MIER2: variants seen among roughly 807,000 people sequenced by gnomAD.
MIER2 encodes mesoderm induction early response protein 2.
In MIER2, 30 loss-of-function variants were observed where a neutral mutation model predicts 67.6. That is an observed-to-expected ratio of 0.44 (90% CI 0.33 to 0.60). The LOEUF (loss-of-function observed/expected upper bound fraction) is 0.60, where lower values mean the gene tolerates loss of function less well. Ranked by LOEUF, MIER2 falls within the 20% of genes least tolerant of loss-of-function variation. The probability of loss-of-function intolerance (pLI) is 0.02; values close to 1 mark genes in which losing one functional copy is unlikely to be tolerated. For missense variants in MIER2, 702 were observed against 745.1 expected (o/e 0.94, Z 0.67); for synonymous variants, 372 against 312.6 (o/e 1.19, Z -2.00).
At chr19:319,186 AC>A (rs1254901798) in intron 7 of MIER2, among the ~76,000 whole-genome samples, 2 of 148,816 alleles carry the variant, frequency 1.3e-5, no homozygotes, top group African/African-American at 5.0e-5. Flanking sequence ...ACATGGTGAA[AC>A]CCCATCTCTA....
Position 341,760 on chromosome 19 carries a change from CA to C in MIER2, c.9+3013del, listed in dbSNP as rs1972514302. Among the ~76,000 whole-genome samples the C allele has an allele frequency of 2.0e-5, 3 of 152,066 alleles. No homozygotes were observed. In the South Asian group the frequency reaches 6.2e-4, roughly 32 times the overall value. Reference sequence around the variant, plus strand: ...AGCAGGCCAACGGTATTCCAGGCAACAAAAAAAGCAAAGGAAGCGTAAACAG... The same window carrying C: ...AGCAGGCCAACGGTATTCCAGGCAACAAAAAAGCAAAGGAAGCGTAAACAG... On this transcript the variant is annotated intron_variant, in intron 1 of 13. Transcript: ENST00000264819.
At chr19:332,196 C>T (rs749195206) in intron 3 of MIER2, among the ~76,000 whole-genome samples, 1 of 151,248 alleles carries the variant, frequency 6.6e-6, no homozygotes, top group African/African-American at 2.4e-5. Flanking sequence ...TTTTCGTATT[C>T]TTTTTTTTTC....
At chr19:319,052 T>C (rs1793709520) in intron 7 of MIER2, among the ~76,000 whole-genome samples, 1 of 54,310 alleles carries the variant, frequency 1.8e-5, no homozygotes, top group African/African-American at 9.4e-5. Context: ...TGAGACTCTG[T>C]CTCAAAAAAA....
Position 308,269 on chromosome 19 carries a change from G to A in MIER2, c.1198+308C>T, listed in dbSNP as rs1970755723. Among the ~76,000 whole-genome samples, 2 of 152,144 alleles carry A rather than the reference G, an allele frequency of 1.3e-5. No homozygotes were observed. Among genetic ancestry groups the A allele is most frequent in the South Asian group, 4.1e-4 (2 of 4,828 alleles). On this transcript the variant is annotated intron_variant, in intron 12 of 13. Coordinates refer to ENST00000264819, the MANE Select transcript of MIER2 (RefSeq NM_017550.3). The surrounding 1 kb of genome is among the most constrained non-coding windows in gnomAD (Gnocchi z 9.1). Reference sequence around the variant, plus strand: ...CTAAGTCCCCACCCTGGGGCAGGAAGGCCCTCCCCGGAGACTGAGGCCTGG... The same window carrying A: ...CTAAGTCCCCACCCTGGGGCAGGAAAGCCCTCCCCGGAGACTGAGGCCTGG...
chr19:344,685 C>G (rs1471699757), intron 1 of MIER2, 89 bp downstream of exon 1: 18 of 892,792 alleles, frequency 2.0e-5, no homozygotes, highest in Non-Finnish European at 2.5e-5. Context: ...GCTCTCCGTC[C>G]CTGGGGCCCA....
intron 1 of MIER2, 56 bp from the exon 2 acceptor site, chr19:336,229 A>T (rs1972252477): frequency 4.9e-6 from 7 of 1,440,280 alleles, no homozygotes; most frequent in Non-Finnish European, 6.8e-6. Context: ...GCTGCTGGAC[A>T]TCACAGTGTG....
At chr19:334,117 A>G (rs1346974504) in intron 3 of MIER2, 1 of 330,856 alleles carries the variant, frequency 3.0e-6, no homozygotes, top group East Asian at 6.5e-5. Flanking sequence ...GAGCCACTGC[A>G]CCCAGCCTGA....
chr19:331,749 G>A (rs540383839), intron 3 of MIER2, among the ~76,000 whole-genome samples: 65 of 152,044 alleles, frequency 4.3e-4, no homozygotes, highest in South Asian at 3.5e-3. Context: ...TTGGGAGGCC[G>A]AGGTGGGCAG....
At chr19:328,038 G>A (rs755826446) in intron 3 of MIER2, 49 bp from the exon 4 acceptor site, 2 of 1,604,466 alleles carry the variant, frequency 1.2e-6, no homozygotes, top group African/African-American at 1.3e-5. Flanking sequence ...CGGCTCTGGG[G>A]GTTCCTGTCC....
chr19:331,052 T>C (rs1971999959), intron 3 of MIER2, among the ~76,000 whole-genome samples: 1 of 152,024 alleles, frequency 6.6e-6, no homozygotes, highest in Non-Finnish European at 1.5e-5. Context: ...TCACAACAGA[T>C]CAATGTCTCC....
At chr19:344,130 G>A (rs1332216926) in intron 1 of MIER2, 1 of 985,438 alleles carries the variant, frequency 1.0e-6, no homozygotes, top group African/African-American at 1.7e-5. Flanking sequence ...CTTCGTGCCC[G>A]GGAGAGGCTG....
At chr19:338,682 A>AGT (rs1040089668) in intron 1 of MIER2, among the ~76,000 whole-genome samples, 1 of 152,252 alleles carries the variant, frequency 6.6e-6, no homozygotes, top group African/African-American at 2.4e-5. Context: ...CAATCAAAAC[A>AGT]GTGTGGTACT....
chr19:317,245 AG>A (rs1162135404), intron 7 of MIER2, among the ~76,000 whole-genome samples: 6 of 151,836 alleles, frequency 4.0e-5, no homozygotes, highest in African/African-American at 1.5e-4. Flanking sequence ...ATACAAAATT[AG>A]GCCGGGCGCG....
intron 1 of MIER2, among the ~76,000 whole-genome samples, chr19:336,647 C>T (rs148485273): frequency 1.2e-4 from 18 of 152,190 alleles, no homozygotes; most frequent in Middle Eastern, 3.4e-3. Flanking sequence ...TGACTGCTAA[C>T]GGGGACAGGG....
chr19:341,423 G>T lies in MIER2; in HGVS notation c.9+3351C>A, dbSNP rs187235816. 4.6e-5 allele frequency among the ~76,000 whole-genome samples: 7 copies of T among 152,300 alleles called. No homozygotes were observed. The East Asian group carries it at 9.6e-4, about 21-fold the overall frequency. On this transcript the variant is annotated intron_variant, in intron 1 of 13. Transcript: ENST00000264819. ...ATTTAACAGGAGAGCTAAGGCAGAG[G>T]GGGGCAAAGAGGGAAGCGGCTGGGA...
Position 308,949 on chromosome 19 carries a change from T to A in MIER2, c.985-24A>T. On this transcript the variant is annotated intron_variant, in intron 10 of 13. Coordinates refer to ENST00000264819, the MANE Select transcript of MIER2 (RefSeq NM_017550.3). The surrounding 1 kb of genome is among the most constrained non-coding windows in gnomAD (Gnocchi z 9.1). ...ACCTGCGGGGAGGGGTCAGGAGCCA[T>A]CTCTGTCCCCGGCTGCCCAGCCCCA... 6.3e-7 allele frequency: 1 copy of A among 1,588,794 alleles called. No homozygotes were observed. The highest frequency in any genetic ancestry group is 8.6e-7 in the Non-Finnish European group (1 of 1,161,566).
chr19:314,754 A>C (rs770154381), intron 7 of MIER2, among the ~76,000 whole-genome samples: 71 of 152,212 alleles, frequency 4.7e-4, no homozygotes, highest in Non-Finnish European at 8.5e-4. Context: ...GAGAAAAAGA[A>C]CACCACATAC....
In MIER2 at chr19:308,918, G is replaced by A. The variant is rs199940044; in HGVS notation, c.992C>T (p.Thr331Ile). Reference sequence around the variant, plus strand: ...CTCGACACACTCGCCCACTGACCGTGTGCGCACCTGCGGGGAGGGGTCAGG... The same window carrying A: ...CTCGACACACTCGCCCACTGACCGTATGCGCACCTGCGGGGAGGGGTCAGG... Reference protein sequence around the residue: ...FHLIQANKVRTRSVGECVEYY... With the variant: ...FHLIQANKVRIRSVGECVEYY... The change falls in exon 11 of 14, where the codon ACA (threonine) becomes ATA (isoleucine). Residue 331 changes from threonine to isoleucine, a missense_variant. Thr to Ile is a moderately conservative substitution (Grantham distance 89). Around this residue, in one of 3 missense-constraint regions of MIER2, gnomAD observed 128 missense variants for 189.7 expected, o/e 0.67. Coordinates refer to ENST00000264819, the MANE Select transcript of MIER2 (RefSeq NM_017550.3). This position sits in a 1 kb window ranked among gnomAD's most constrained non-coding sequence, Gnocchi z 9.1. 13 of 1,602,260 alleles carry A rather than the reference G, an allele frequency of 8.1e-6. No homozygotes were observed. Among genetic ancestry groups the A allele is most frequent in the African/African-American group, 1.3e-5 (1 of 74,668 alleles).
intron 7 of MIER2, among the ~76,000 whole-genome samples, chr19:317,014 T>A (rs1255148838): frequency 6.6e-6 from 1 of 152,110 alleles, no homozygotes; most frequent in Non-Finnish European, 1.5e-5. Context: ...TGTTGTAACC[T>A]CTAAAGCGCT....
Sources: allele counts gnomAD v4.1 joint callset (sites outside exome capture counted in the v4.1 genomes callset), GRCh38; gene constraint gnomAD v4.1.1; regional missense constraint gnomAD v4.1.1; non-coding constraint Gnocchi (gnomAD v3.1); transcripts MANE v1.5; gene names NCBI Gene and HGNC (gene_info 2026-07-23, HGNC 2026-07-21).